GPR63: variants seen among roughly 807,000 people sequenced by gnomAD.
The protein encoded by GPR63 is probable G protein-coupled receptor 63.
Under a neutral mutation model 23.1 loss-of-function variants are expected in GPR63, and 12 were observed. The observed-to-expected ratio is 0.52, with a 90% CI of 0.33 to 0.84. The LOEUF is 0.84. Ranked by LOEUF, GPR63 falls within the 40% of genes least tolerant of loss-of-function variation. The pLI is 0.02. For missense variants in GPR63, 472 were observed against 515.6 expected (o/e 0.92, Z 0.82); for synonymous variants, 172 against 191.1 (o/e 0.90, Z 0.82).
At chr6:96,805,468 A>T (rs1773872732) in intron 1 of GPR63, among the ~76,000 whole-genome samples, 1 of 152,174 alleles carries the variant, frequency 6.6e-6, no homozygotes, top group African/African-American at 2.4e-5. Context: ...TGAGATCTGG[A>T]GGGGACAAAC....
intron 1 of GPR63, among the ~76,000 whole-genome samples, chr6:96,806,313 C>T (rs1015008368): frequency 5.9e-5 from 9 of 152,278 alleles, no homozygotes; most frequent in African/African-American, 2.2e-4. Flanking sequence ...AGCTCTCTTG[C>T]CTACCACTAA....
At chr6:96,803,726 T>C (rs1217153523) in intron 1 of GPR63, among the ~76,000 whole-genome samples, 1 of 152,224 alleles carries the variant, frequency 6.6e-6, no homozygotes, top group East Asian at 1.9e-4. Context: ...ACCTGAAGTT[T>C]CTTTGAATTT....
chr6:96,826,577 T>A (rs1265589379), intron 1 of GPR63, among the ~76,000 whole-genome samples: 1 of 152,090 alleles, frequency 6.6e-6, no homozygotes, highest in Non-Finnish European at 1.5e-5. Flanking sequence ...TTAACCTGAA[T>A]AACAAACATA....
At chr6:96,808,847 C>T (rs1460815629) in intron 1 of GPR63, among the ~76,000 whole-genome samples, 1 of 152,022 alleles carries the variant, frequency 6.6e-6, no homozygotes, top group Non-Finnish European at 1.5e-5. Flanking sequence ...CCTATGTATA[C>T]ATGTGCCATG....
rs1773541803 is a variant in GPR63, at chr6:96,794,794, C to A, written c.*3678G>T. ...AAGTCATGACTTTCAATTAAGTCAC[C>A]CATTTTGCTCTACTGTGAAGCTATA... On this transcript the variant is annotated 3_prime_UTR_variant, in exon 2 of 2. Coordinates refer to ENST00000229955, the MANE Select transcript of GPR63 (RefSeq NM_030784.4). The A allele has an allele frequency of 6.6e-6, 1 of 151,970 alleles. No individual in the cohort carries two copies. The highest frequency in any genetic ancestry group is 6.6e-5 in the Admixed American group (1 of 15,234). 9.4% of individuals were successfully genotyped at this position (151,970 alleles called of 1,614,324 possible).
At chr6:96,804,238 CTTTAT>C (rs1044156192) in intron 1 of GPR63, among the ~76,000 whole-genome samples, 2 of 151,958 alleles carry the variant, frequency 1.3e-5, no homozygotes, top group African/African-American at 2.4e-5. Flanking sequence ...CACTGGAGTG[CTTTAT>C]TTTATTTTTT....
At chr6:96,800,297 C>T (rs936872353) in intron 1 of GPR63, among the ~76,000 whole-genome samples, 3 of 151,394 alleles carry the variant, frequency 2.0e-5, no homozygotes, top group Admixed American at 6.6e-5. Flanking sequence ...ATTAATAGTT[C>T]TTTGGTACAA....
In GPR63 at chr6:96,799,007, T is replaced by A. The variant is rs1368324782; in HGVS notation, c.725A>T (p.Tyr242Phe). 4 of 1,614,084 alleles carry A rather than the reference T, an allele frequency of 2.5e-6. No homozygotes were observed. In the East Asian group the frequency reaches 8.9e-5, roughly 36 times the overall value. The change falls in exon 2 of 2, where the codon TAT becomes TTT. Residue 242 changes from tyrosine (Y) to phenylalanine (F), a missense_variant. By Grantham distance (22) the Tyr-to-Phe change is conservative. Transcript: ENST00000229955. Reference protein sequence around the residue: ...GYTTNPGYQAYVILISLISFF... With the variant: ...GYTTNPGYQAFVILISLISFF... ...AGAAATGAGAGAAATCAAAATCACA[T>A]AAGCCTGGTAGCCTGGATTGGTTGT...
intron 1 of GPR63, among the ~76,000 whole-genome samples, chr6:96,825,796 CT>C (rs929565134): frequency 3.0e-4 from 45 of 151,060 alleles, no homozygotes; most frequent in East Asian, 2.1e-3. Flanking sequence ...TTACCTTAGT[CT>C]TTTTTTTTAT....
At position 96,795,503 on chromosome 6, in the gene GPR63, CATCAG is replaced by C. The variant is rs1159834491; in HGVS notation, c.*2964_*2968del. On this transcript the variant is annotated 3_prime_UTR_variant, in exon 2 of 2. Coordinates refer to ENST00000229955, the MANE Select transcript of GPR63 (RefSeq NM_030784.4). The stretch of plus-strand genomic sequence containing the variant: ...ATGTTCAAAATGATTTGTAAACTCT[CATCAG>C]ATCAAGATAATCCAGTGTAAAAAGA... The C allele has an allele frequency of 3.9e-5, 6 of 152,280 alleles. No homozygotes were observed. The highest frequency in any genetic ancestry group is 1.2e-4 in the African/African-American group (5 of 41,552). The allele number at this position is 152,280 out of a possible 1,614,324, so 9.4% of individuals were successfully genotyped here. A position where few individuals can be genotyped will look rare whatever the true frequency, so the allele number is the denominator to read the frequency against.
intron 1 of GPR63, among the ~76,000 whole-genome samples, chr6:96,836,189 GA>G (rs990783528): frequency 1.3e-5 from 2 of 151,566 alleles, no homozygotes; most frequent in African/African-American, 4.8e-5. Context: ...GGACACGTGG[GA>G]AAAAAAACTT....
Position 96,807,207 on chromosome 6 carries a change from C to T in GPR63, c.-150-7326G>A, listed in dbSNP as rs1221987280. 2.0e-5 allele frequency among the ~76,000 whole-genome samples: 3 copies of T among 152,160 alleles called. No homozygotes were observed. In the East Asian group the frequency reaches 5.8e-4, roughly 29 times the overall value. ...ACCTATTCTATTGAGATCAATCAAC[C>T]TCTCTCTCTAGTCACTCCTGTCCTT... is the stretch of plus-strand genomic sequence containing the variant. On this transcript the variant is annotated intron_variant, in intron 1 of 1. Coordinates refer to ENST00000229955, the MANE Select transcript of GPR63 (RefSeq NM_030784.4).
In GPR63 at chr6:96,799,542, T is replaced by C; in HGVS notation, c.190A>G (p.Thr64Ala). The C allele has an allele frequency of 6.2e-7, 1 of 1,614,172 alleles. No homozygotes were observed. The highest frequency in any genetic ancestry group is 1.1e-5 in the South Asian group (1 of 91,082). ...TGLSSLTVNS[T>A]AVPTTPAAFK... ...GCTGCTGGTGTTGTGGGCACAGCTGTACTATTCACGGTCAAGGAACTCAAA... is the reference window on the plus strand; with the variant it reads ...GCTGCTGGTGTTGTGGGCACAGCTGCACTATTCACGGTCAAGGAACTCAAA... Residue 64 changes from threonine (T) to alanine (A), a missense_variant, in exon 2 of 2, where the codon ACA (threonine) becomes GCA (alanine). Thr to Ala is a moderately conservative substitution (Grantham distance 58). Coordinates refer to ENST00000229955, the MANE Select transcript of GPR63 (RefSeq NM_030784.4).
At position 96,799,065 on chromosome 6, in the gene GPR63, G is replaced by T. The variant is rs747828560; in HGVS notation, c.667C>A (p.Pro223Thr). The T allele has an allele frequency of 1.9e-6, 3 of 1,614,192 alleles. No individual in the cohort carries two copies. Among genetic ancestry groups the T allele is most frequent in the Admixed American group, 1.7e-5 (1 of 60,012 alleles). ...AACACACACTGGGGAGCTCGGGAAG[G>T]TATCTGCAGGTCGGGGTTTCCTACG... Reference protein sequence around the residue: ...LAVGNPDLQIPSRAPQCVFGY... With the variant: ...LAVGNPDLQITSRAPQCVFGY... Residue 223 changes from proline to threonine, a missense_variant, in exon 2 of 2, where the codon CCT becomes ACT. Pro to Thr is a conservative substitution (Grantham distance 38). Coordinates refer to ENST00000229955, the MANE Select transcript of GPR63 (RefSeq NM_030784.4).
At chr6:96,831,213 G>A (rs1236005048) in intron 1 of GPR63, among the ~76,000 whole-genome samples, 1 of 152,136 alleles carries the variant, frequency 6.6e-6, no homozygotes, top group African/African-American at 2.4e-5. Flanking sequence ...TGGCAATACA[G>A]TAAACTGAAA....
intron 1 of GPR63, among the ~76,000 whole-genome samples, chr6:96,827,857 A>C (rs1774482920): frequency 6.6e-6 from 1 of 152,052 alleles, no homozygotes; most frequent in Non-Finnish European, 1.5e-5. Context: ...CACTCAGTAA[A>C]GGAAAATTAA....
rs1442880566 is a variant in GPR63 at position 96,804,216 on chromosome 6, A to C, written c.-150-4335T>G. Among the ~76,000 whole-genome samples the C allele has an allele frequency of 2.0e-5, 3 of 152,096 alleles. No individual in the cohort carries two copies. In the South Asian group the frequency reaches 6.2e-4, roughly 32 times the overall value. ...AGTATTCTCTTGGTCCTCTTTCCTT[A>C]GTCTTACCTGCCACTGGAGTGCTTT... On this transcript the variant is annotated intron_variant, in intron 1 of 1. Coordinates refer to ENST00000229955, the MANE Select transcript of GPR63 (RefSeq NM_030784.4).
rs573741822 is a variant in GPR63, at chr6:96,831,670, G to A, written c.-151+5598C>T. Reference sequence around the variant, plus strand: ...ACCTGTAATCCCAGCACTTTGGGACGCTGAGGTAGGCAGATCACTAGAGGT... The same window carrying A: ...ACCTGTAATCCCAGCACTTTGGGACACTGAGGTAGGCAGATCACTAGAGGT... On this transcript the variant is annotated intron_variant, in intron 1 of 1. Transcript: ENST00000229955. 2.3e-4 allele frequency among the ~76,000 whole-genome samples: 35 copies of A among 152,190 alleles called. No homozygotes were observed. The South Asian group carries it at 6.8e-3, about 30-fold the overall frequency.
chr6:96,809,461 G>T (rs757297395), intron 1 of GPR63, among the ~76,000 whole-genome samples: 53 of 152,004 alleles, frequency 3.5e-4, no homozygotes, highest in Non-Finnish European at 6.8e-4. Flanking sequence ...TAGATATAAA[G>T]ATATACAGAT....
Sources: gnomAD v4.1 joint callset for allele counts (sites outside exome capture counted in the v4.1 genomes callset) on GRCh38, gnomAD v4.1.1 for gene constraint, MANE v1.5 for transcripts, NCBI Gene and HGNC (gene_info 2026-07-23, HGNC 2026-07-21) for gene names.